The following CAMTA1 variants were observed in gnomAD, a reference collection of about 807,000 sequenced individuals.
CAMTA1 encodes calmodulin binding transcription activator 1.
Under a neutral mutation model 170.9 loss-of-function variants are expected in CAMTA1, and 27 were observed. That is an observed-to-expected ratio of 0.16 (90% confidence interval 0.12 to 0.22). The LOEUF (loss-of-function observed/expected upper bound fraction) is 0.22. Ranked by LOEUF, CAMTA1 falls within the 10% of genes least tolerant of loss-of-function variation. The probability of loss-of-function intolerance (pLI) is 1.00; values close to 1 mark genes in which losing one functional copy is unlikely to be tolerated. For missense variants in CAMTA1, 1,619 were observed against 2,217.2 expected, an observed-to-expected ratio of 0.73 and a Z score of 5.42; for synonymous variants, 833 against 891.5, an observed-to-expected ratio of 0.93 and a Z score of 1.17.
At chr1:7,598,168 G>T (rs2095415087) in intron 6 of CAMTA1, among the ~76,000 whole-genome samples, 1 of 144,778 alleles carries the variant, frequency 6.9e-6, no homozygotes, top group Non-Finnish European at 1.5e-5. Context: ...TCCCACCTAT[G>T]AGTGAGAACA....
At chr1:7,408,584 G>C (rs1266553587) in intron 5 of CAMTA1, among the ~76,000 whole-genome samples, 1 of 152,206 alleles carries the variant, frequency 6.6e-6, no homozygotes, top group Non-Finnish European at 1.5e-5. Context: ...CCTCTGCCCT[G>C]GCTGGAGTCT....
intron 1 of CAMTA1, among the ~76,000 whole-genome samples, chr1:6,811,515 G>A (rs900144000): frequency 5.3e-5 from 8 of 152,016 alleles, no homozygotes; most frequent in Admixed American, 6.5e-5. Flanking sequence ...TCACCTTGCC[G>A]TTGCCTGTCA....
rs189014522 is a variant in CAMTA1 at position 7,204,963 on chromosome 1, G to A, written c.303-44528G>A. 5.0e-3 allele frequency among the ~76,000 whole-genome samples: 750 copies of A among 150,342 alleles called. 15 individuals are homozygous for A. The highest frequency in any genetic ancestry group is 0.039 in the Admixed American group (587 of 15,110). On this transcript the variant is annotated intron_variant, in intron 4 of 22. Coordinates refer to ENST00000303635, the MANE Select transcript of CAMTA1 (RefSeq NM_015215.4). ...TCCCGCCTCAGCCTCCCAAGTAGCTGGGACTACAGGTGCCCGGACCACGCC... is the reference window on the plus strand; with the variant it reads ...TCCCGCCTCAGCCTCCCAAGTAGCTAGGACTACAGGTGCCCGGACCACGCC...
intron 5 of CAMTA1, among the ~76,000 whole-genome samples, chr1:7,321,491 A>G (rs1436974063): frequency 6.6e-6 from 1 of 152,152 alleles, no homozygotes; most frequent in Non-Finnish European, 1.5e-5. Flanking sequence ...ATGACCCTGG[A>G]GAACAGTGTG....
intron 6 of CAMTA1, among the ~76,000 whole-genome samples, chr1:7,546,191 C>T (rs12143683): frequency 0.19 from 29,619 of 152,002 alleles, 3,301 homozygotes; most frequent in East Asian, 0.33. Context: ...CTCCTGACCT[C>T]GTGATCCACC....
intron 4 of CAMTA1, among the ~76,000 whole-genome samples, chr1:7,157,096 C>A (rs1036341074): frequency 3.9e-5 from 6 of 152,030 alleles, no homozygotes; most frequent in Admixed American, 6.6e-5. Flanking sequence ...GTAATCCCAG[C>A]ACTTTGGGAG....
intron 4 of CAMTA1, among the ~76,000 whole-genome samples, chr1:7,166,501 C>G (rs987365367): frequency 1.3e-5 from 2 of 152,114 alleles, no homozygotes; most frequent in Admixed American, 1.3e-4. Flanking sequence ...TGTGATGGTT[C>G]CCATTTCTTC....
intron 5 of CAMTA1, among the ~76,000 whole-genome samples, chr1:7,429,234 ATATG>A (rs1220672746): frequency 1.3e-5 from 2 of 152,232 alleles, no homozygotes; most frequent in African/African-American, 4.8e-5. Context: ...CACGTACCTC[ATATG>A]GTGGTTGCGA....
chr1:6,902,652 A>G (rs1226405709), intron 3 of CAMTA1, among the ~76,000 whole-genome samples: 1 of 152,236 alleles, frequency 6.6e-6, no homozygotes, highest in East Asian at 1.9e-4. Flanking sequence ...GTCAGAATGT[A>G]TGGACCTGTG....
intron 4 of CAMTA1, among the ~76,000 whole-genome samples, chr1:7,215,372 C>G (rs1416586577): frequency 1.3e-5 from 2 of 152,274 alleles, no homozygotes; most frequent in Non-Finnish European, 2.9e-5. Context: ...AAATATGTCT[C>G]ATAAATTCTG....
chr1:6,997,111 AC>A (rs1175097165), intron 3 of CAMTA1, among the ~76,000 whole-genome samples: 1 of 152,170 alleles, frequency 6.6e-6, no homozygotes, highest in African/African-American at 2.4e-5. Context: ...TTTGGCATTC[AC>A]CGAAGCTTCC....
intron 7 of CAMTA1, among the ~76,000 whole-genome samples, chr1:7,650,685 T>C (rs2095843185): frequency 6.7e-6 from 1 of 148,228 alleles, no homozygotes; most frequent in Non-Finnish European, 1.5e-5. Context: ...GGGCGCACAC[T>C]CCATCCCGTC....
intron 3 of CAMTA1, among the ~76,000 whole-genome samples, chr1:7,019,858 C>T (rs1486048387): frequency 6.6e-6 from 1 of 152,240 alleles, no homozygotes; most frequent in Non-Finnish European, 1.5e-5. Flanking sequence ...GCTCCGACTC[C>T]AGCTCTCATG....
intron 6 of CAMTA1, among the ~76,000 whole-genome samples, chr1:7,632,736 G>A (rs781276265): frequency 2.6e-5 from 4 of 152,256 alleles, no homozygotes; most frequent in Non-Finnish European, 4.4e-5. Flanking sequence ...AAGCGGCCAG[G>A]AAAAGGATGT....
At chr1:7,087,136 C>T (rs905952419) in intron 3 of CAMTA1, among the ~76,000 whole-genome samples, 3 of 152,154 alleles carry the variant, frequency 2.0e-5, no homozygotes, top group Non-Finnish European at 4.4e-5. Context: ...TTTCATCTGC[C>T]GCCTTTAGGG....
intron 6 of CAMTA1, among the ~76,000 whole-genome samples, chr1:7,527,320 G>C (rs2150019193): frequency 6.6e-6 from 1 of 152,318 alleles, no homozygotes; most frequent in Admixed American, 6.5e-5. Flanking sequence ...ACATCATGTT[G>C]GTCCCAGCCT....
At chr1:7,330,912 A>G (rs1234054345) in intron 5 of CAMTA1, among the ~76,000 whole-genome samples, 3 of 152,106 alleles carry the variant, frequency 2.0e-5, no homozygotes, top group African/African-American at 7.2e-5. Flanking sequence ...CTGCGGCCAC[A>G]TCGTAGGGCT....
At chr1:6,985,519 G>A (rs921313017) in intron 3 of CAMTA1, among the ~76,000 whole-genome samples, 4 of 152,180 alleles carry the variant, frequency 2.6e-5, no homozygotes, top group Non-Finnish European at 5.9e-5. Context: ...TTGTCATTAC[G>A]TTATATTTTT....
chr1:7,738,386 G>C lies in CAMTA1; in HGVS notation c.4086G>C (p.Leu1362=), dbSNP rs778877944. 6.2e-7 allele frequency: 1 copy of C among 1,614,202 alleles called. No homozygotes were observed. Among genetic ancestry groups the C allele is most frequent in the Non-Finnish European group, 8.5e-7 (1 of 1,180,038 alleles). ...QVRPREPMSV[L]MMANREVVNT... ...GTCCACGGGAACCAATGAGTGTCCT[G>C]ATGATGGCTAACAGAGAGGTGGTGA... The change falls in exon 16 of 23, where the codon CTG becomes CTC. Residue 1362 remains leucine, a synonymous_variant. Coordinates refer to ENST00000303635, the MANE Select transcript of CAMTA1 (RefSeq NM_015215.4). This position sits in a 1 kb window ranked among gnomAD's most constrained non-coding sequence, Gnocchi z 4.9.
Sources: allele counts gnomAD v4.1 joint callset (sites outside exome capture counted in the v4.1 genomes callset), GRCh38; gene constraint gnomAD v4.1.1; non-coding constraint Gnocchi (gnomAD v3.1); transcripts MANE v1.5; gene names NCBI Gene and HGNC (gene_info 2026-07-23, HGNC 2026-07-21).